Variants in RYR1 observed in about 807,000 individuals in gnomAD.
The protein encoded by RYR1 is central core disease of muscle.
A neutral mutation model predicts 583.5 loss-of-function variants in RYR1; 342 were observed. The ratio of observed to expected loss-of-function variants is 0.59; its 90% CI spans 0.54 to 0.64. The LOEUF (loss-of-function observed/expected upper bound fraction) is 0.64. RYR1 is among the 30% of genes least tolerant of loss of function. The probability of loss-of-function intolerance (pLI) is 0.00; values close to 1 mark genes in which losing one functional copy is unlikely to be tolerated. For synonymous variants in RYR1, 2,791 were observed against 2,822.5 expected (o/e 0.99, Z 0.35); for missense variants, 6,032 against 6,917.2 (o/e 0.87, Z 4.54).
At chr19:38,521,169 T>C (rs1307591761) in intron 67 of RYR1, among the ~76,000 whole-genome samples, 2 of 152,008 alleles carry the variant, frequency 1.3e-5, no homozygotes, top group African/African-American at 4.8e-5. Context: ...CCTGTAGTCC[T>C]TGCCTCAGGC....
At position 38,503,065 on chromosome 19, in the gene RYR1, C is replaced by T. The variant is rs775142801; in HGVS notation, c.7926+95C>T. ...CGGGGCTCATTTGTGTCGGCACTGC[C>T]CAGCCCAATAAACCTGCACTAGTTA... On this transcript the variant is annotated intron_variant, in intron 49 of 105. Coordinates refer to ENST00000359596, the MANE Select transcript of RYR1 (RefSeq NM_000540.3). 2.1e-4 allele frequency: 258 copies of T among 1,230,112 alleles called. 1 individual carries two copies. The highest frequency in any genetic ancestry group is 2.8e-4 in the Non-Finnish European group (236 of 855,998). 76.2% of individuals were successfully genotyped at this position (1,230,112 alleles called of 1,614,324 possible).
chr19:38,495,099 G>A (rs556302678), intron 39 of RYR1, among the ~76,000 whole-genome samples: 5 of 151,988 alleles, frequency 3.3e-5, no homozygotes, highest in South Asian at 2.1e-4. Context: ...TGATCCACCC[G>A]CCTCGGCCTC....
intron 1 of RYR1, among the ~76,000 whole-genome samples, chr19:38,437,207 C>T (rs1008611134): frequency 4.0e-5 from 6 of 151,886 alleles, no homozygotes; most frequent in Middle Eastern, 3.2e-3. Context: ...TGCACCACTA[C>T]GCCCGGCTAA....
At chr19:38,531,858 T>C (rs965244538) in intron 76 of RYR1, among the ~76,000 whole-genome samples, 5 of 152,146 alleles carry the variant, frequency 3.3e-5, no homozygotes, top group Non-Finnish European at 7.4e-5. Context: ...TAAGCCTTGA[T>C]GGCACCACTG....
Position 38,485,881 on chromosome 19 carries a change from C to T in RYR1, c.5226C>T (p.Arg1742=), listed in dbSNP as rs567818625. ...TCGTGCCCCTCACGCCTGAGACCCG[C>T]GCCATCACGCTCTTCCCTCCTGGAA... The part of the protein sequence containing the change: ...EYIVPLTPET[R]AITLFPPGRS... Residue 1742 remains arginine (R), a synonymous_variant, in exon 34 of 106, where the codon CGC becomes CGT. Coordinates refer to ENST00000359596, the MANE Select transcript of RYR1 (RefSeq NM_000540.3). 4.8e-5 allele frequency: 78 copies of T among 1,613,806 alleles called. No homozygotes were observed. Among genetic ancestry groups the T allele is most frequent in the South Asian group, 2.2e-4 (20 of 91,086 alleles).
Position 38,543,462 on chromosome 19 carries a change from G to A in RYR1, c.11778+27G>A, listed in dbSNP as rs1433679025. 1 of 1,614,088 alleles carries A rather than the reference G, an allele frequency of 6.2e-7. No homozygotes were observed. Among genetic ancestry groups the A allele is most frequent in the African/African-American group, 1.3e-5 (1 of 74,942 alleles). On this transcript the variant is annotated intron_variant, in intron 85 of 105. Coordinates refer to ENST00000359596, the MANE Select transcript of RYR1 (RefSeq NM_000540.3). The surrounding 1 kb of genome is among the most constrained non-coding windows in gnomAD (Gnocchi z 4.4). ...TGAGGACGTGAGACGGTTCAGGTGT[G>A]ACTTGGGTCGGGGGCTGCAGGGCCA...
intron 16 of RYR1, among the ~76,000 whole-genome samples, chr19:38,456,366 C>T (rs1056157094): frequency 6.7e-6 from 1 of 149,438 alleles, no homozygotes; most frequent in Non-Finnish European, 1.5e-5. Context: ...ACTGCAACCT[C>T]TGCTTCCCGG....
chr19:38,448,364 G>C lies in RYR1; in HGVS notation c.810G>C (p.Gly270=). ...CTCTCACCCTCCACAGCTGGAGTGGGAGCCACCTGCGCTGGGGCCAGCCAC... is the reference window on the plus strand; with the variant it reads ...CTCTCACCCTCCACAGCTGGAGTGGCAGCCACCTGCGCTGGGGCCAGCCAC... ...RLEPLRISWS[G]SHLRWGQPLR... is the part of the protein sequence containing the mutation. Residue 270 remains glycine, a synonymous_variant, in exon 10 of 106, where the codon GGG becomes GGC. Coordinates refer to ENST00000359596, the MANE Select transcript of RYR1 (RefSeq NM_000540.3). 1 of 1,609,086 alleles carries C rather than the reference G, an allele frequency of 6.2e-7. No individual in the cohort carries two copies. The highest frequency in any genetic ancestry group is 1.7e-4 in the Middle Eastern group (1 of 6,052).
At chr19:38,548,962 A>G (rs1276988909) in intron 89 of RYR1, among the ~76,000 whole-genome samples, 2 of 152,216 alleles carry the variant, frequency 1.3e-5, no homozygotes, top group African/African-American at 4.8e-5. Context: ...TAGTCATAAC[A>G]TTATCATTAT....
At chr19:38,533,506 C>G (rs1056316217) in intron 78 of RYR1, among the ~76,000 whole-genome samples, 4 of 152,218 alleles carry the variant, frequency 2.6e-5, no homozygotes, top group African/African-American at 7.2e-5. Flanking sequence ...CAAATAAGAT[C>G]TAAGGCTGGG....
Position 38,535,322 on chromosome 19 carries a change from C to G in RYR1, c.11446C>G (p.Leu3816Val). The stretch of plus-strand genomic sequence containing the variant: ...CCTGCCTCGCCCTCTGCAGAAAATG[C>G]TGGATTATCTTAAGGACAAGAAGGA... Reference protein sequence around the residue: ...GGNAEVQQKMLDYLKDKKEVG... With the variant: ...GGNAEVQQKMVDYLKDKKEVG... Residue 3816 changes from leucine to valine, a missense_variant, in exon 81 of 106, where the codon CTG becomes GTG. Coordinates refer to ENST00000359596, the MANE Select transcript of RYR1 (RefSeq NM_000540.3). The G allele has an allele frequency of 6.2e-7, 1 of 1,614,148 alleles. No individual in the cohort carries two copies. The highest frequency in any genetic ancestry group is 8.5e-7 in the Non-Finnish European group (1 of 1,179,998).
chr19:38,506,596 G>A, intron 56 of RYR1, 50 bp downstream of exon 56: 1 of 1,604,682 alleles, frequency 6.2e-7, no homozygotes, highest in Non-Finnish European at 8.5e-7. Flanking sequence ...TTCACCGTGT[G>A]GTTTTGCTGA....
chr19:38,511,432 A>G (rs758849503), intron 60 of RYR1, 129 bp from the exon 61 acceptor site: 99 of 921,500 alleles, frequency 1.1e-4, no homozygotes, highest in Non-Finnish European at 1.6e-4. Flanking sequence ...CATCATTTGG[A>G]CCCCCTCCTG....
Position 38,477,881 on chromosome 19 carries a change from TG to T in RYR1, c.4454+17del. 1.4e-5 allele frequency: 6 copies of T among 436,446 alleles called. No homozygotes were observed. Among genetic ancestry groups the T allele is most frequent in the East Asian group, 7.3e-5 (1 of 13,710 alleles). The allele number at this position is 436,446 out of a possible 1,614,324, so 27.0% of individuals were successfully genotyped here. A position where few individuals can be genotyped will look rare whatever the true frequency, so the allele number is the denominator to read the frequency against. On this transcript the variant is annotated intron_variant, in intron 30 of 105. Coordinates refer to ENST00000359596, the MANE Select transcript of RYR1 (RefSeq NM_000540.3). ...CAACGTCCACAGCAGGTGCCGGGGC[TG>T]GGGGGAGGTGGGAGGTGCAGGGTGG... is the stretch of plus-strand genomic sequence containing the variant.
At position 38,499,808 on chromosome 19, in the gene RYR1, C is replaced by T. The variant is rs1481790842; in HGVS notation, c.7201C>T (p.Arg2401Trp). ...GGATGGCCCAGGCATCCGCAGGGAC[C>T]GGCGGCGCGAGCAGTGAGTCTCCCG... is the stretch of plus-strand genomic sequence containing the variant. ...ARDGPGIRRD[R>W]RREHFGEEPP... The change falls in exon 44 of 106, where the codon CGG becomes TGG. Residue 2401 changes from arginine (R) to tryptophan (W), a missense_variant. Physicochemically the swap from Arg to Trp is moderately radical, Grantham distance 101. Transcript: ENST00000359596. This position sits in a 1 kb window ranked among gnomAD's most constrained non-coding sequence, Gnocchi z 7.3. 6.9e-6 allele frequency: 11 copies of T among 1,604,954 alleles called. No individual in the cohort carries two copies. Among genetic ancestry groups the T allele is most frequent in the Non-Finnish European group, 9.3e-6 (11 of 1,179,016 alleles).
chr19:38,580,340 G>A (rs771171938), intron 100 of RYR1, 30 bp from the exon 101 acceptor site: 22 of 1,612,998 alleles, frequency 1.4e-5, no homozygotes, highest in Middle Eastern at 1.7e-4. Context: ...AGCCCAGGGC[G>A]GAGCTGACCT....
Position 38,499,376 on chromosome 19 carries a change from G to C in RYR1, c.7027+133G>C. Reference sequence around the variant, plus strand: ...AATCCCTTCCAGCAGGCCTGGGGCTGGCAGGGGCCTGTGTTACCCCTGGAG... The same window carrying C: ...AATCCCTTCCAGCAGGCCTGGGGCTCGCAGGGGCCTGTGTTACCCCTGGAG... On this transcript the variant is annotated intron_variant, in intron 43 of 105. Coordinates refer to ENST00000359596, the MANE Select transcript of RYR1 (RefSeq NM_000540.3). This position sits in a 1 kb window ranked among gnomAD's most constrained non-coding sequence, Gnocchi z 7.3. 1 of 1,453,528 alleles carries C rather than the reference G, an allele frequency of 6.9e-7. No individual in the cohort carries two copies. The highest frequency in any genetic ancestry group is 1.7e-5 in the Admixed American group (1 of 57,394). The allele number at this position is 1,453,528 out of a possible 1,614,324, so 90.0% of individuals were successfully genotyped here.
Position 38,440,766 on chromosome 19 carries a change from T to G in RYR1, c.67T>G (p.Cys23Gly). The G allele has an allele frequency of 6.2e-7, 1 of 1,608,294 alleles. No homozygotes were observed. The highest frequency in any genetic ancestry group is 8.5e-7 in the Non-Finnish European group (1 of 1,178,092). ...LRTDDEVVLQ[C>G]SATVLKEQLK... ...GCAGGACGATGAGGTGGTCCTGCAG[T>G]GCAGCGCTACCGTGCTCAAGGAGCA... The change falls in exon 2 of 106, where the codon TGC becomes GGC. Residue 23 changes from cysteine (C) to glycine (G), a missense_variant. This residue lies in a region of RYR1 where 71 missense variants were observed against 75.3 expected (regional missense o/e 0.94). Transcript: ENST00000359596.
intron 38 of RYR1, 30 bp downstream of exon 38, chr19:38,492,666 AGGGGT>A: frequency 4.0e-6 from 3 of 745,448 alleles, no homozygotes; most frequent in Non-Finnish European, 6.7e-6. Context: ...GGGAGAGGGC[AGGGGT>A]GGGGTGGGTA....
Sources: gnomAD v4.1 joint callset for allele counts (sites outside exome capture counted in the v4.1 genomes callset) on GRCh38, gnomAD v4.1.1 for gene constraint, gnomAD v4.1.1 regional missense constraint, Gnocchi (gnomAD v3.1) non-coding constraint, MANE v1.5 for transcripts, NCBI Gene and HGNC (gene_info 2026-07-23, HGNC 2026-07-21) for gene names.